ALOX5: variants seen among roughly 807,000 people sequenced by gnomAD.
The protein encoded by ALOX5 is polyunsaturated fatty acid 5-lipoxygenase.
In ALOX5, 64 loss-of-function variants were observed where a neutral mutation model predicts 87.9. That is an observed-to-expected ratio of 0.73 (90% confidence interval 0.60 to 0.90). The LOEUF is 0.90. Among genes scored for constraint, ALOX5 ranks in the 40% least tolerant of loss-of-function variants. The pLI is 0.00. For missense variants in ALOX5, 822 were observed against 907.5 expected (o/e 0.91, Z 1.21); for synonymous variants, 388 against 355.1 (o/e 1.09, Z -1.04).
chr10:45,437,122 G>A (rs1842084547), intron 7 of ALOX5, among the ~76,000 whole-genome samples: 1 of 152,216 alleles, frequency 6.6e-6, no homozygotes, highest in Admixed American at 6.5e-5. Context: ...GGAGGCCGAG[G>A]TGGGCAGATC....
intron 1 of ALOX5, among the ~76,000 whole-genome samples, chr10:45,378,673 G>C (rs186653688): frequency 6.6e-6 from 1 of 152,154 alleles, no homozygotes; most frequent in African/African-American, 2.4e-5. Flanking sequence ...CTGGAAGGAG[G>C]CCTTTATCTG....
chr10:45,439,204 A>T (rs989990051), intron 7 of ALOX5, among the ~76,000 whole-genome samples: 1 of 152,214 alleles, frequency 6.6e-6, no homozygotes, highest in Non-Finnish European at 1.5e-5. Flanking sequence ...CTTCCTGAAT[A>T]TATACAATTC....
At chr10:45,392,679 G>T (rs553446955) in intron 2 of ALOX5, among the ~76,000 whole-genome samples, 3 of 150,522 alleles carry the variant, frequency 2.0e-5, no homozygotes, top group Admixed American at 6.6e-5. Context: ...ATCCCCCTCT[G>T]CGAGAAACAC....
chr10:45,413,040 C>T (rs945029344), intron 4 of ALOX5, among the ~76,000 whole-genome samples: 26 of 152,052 alleles, frequency 1.7e-4, no homozygotes, highest in African/African-American at 4.8e-4. Flanking sequence ...GTCAGTTTGG[C>T]GAAACTATTC....
chr10:45,391,058 C>T (rs1444225630), intron 2 of ALOX5, among the ~76,000 whole-genome samples: 22 of 104,168 alleles, frequency 2.1e-4, no homozygotes, highest in Non-Finnish European at 4.0e-4. Flanking sequence ...TCTCCCCTCT[C>T]CCTCTCCCTC....
At chr10:45,402,086 CAAAA>C (rs10649706) in intron 3 of ALOX5, among the ~76,000 whole-genome samples, 1 of 101,130 alleles carries the variant, frequency 9.9e-6, no homozygotes, top group African/African-American at 3.8e-5. Flanking sequence ...GACTCCGTCT[CAAAA>C]AAAAAAAAAA....
chr10:45,405,146 A>G (rs1325483895), intron 3 of ALOX5, among the ~76,000 whole-genome samples: 1 of 152,258 alleles, frequency 6.6e-6, no homozygotes, highest in East Asian at 1.9e-4. Context: ...AACCTTGTAC[A>G]AACATCTTGA....
chr10:45,378,278 TTCCGG>T (rs1839701409), intron 1 of ALOX5, among the ~76,000 whole-genome samples: 1 of 152,210 alleles, frequency 6.6e-6, no homozygotes, highest in South Asian at 2.1e-4. Context: ...GCCTTCTAGC[TTCCGG>T]TTCAGGGCTT....
Position 45,405,846 on chromosome 10 carries a change from T to C in ALOX5, c.432-6345T>C, listed in dbSNP as rs1216238944. On this transcript the variant is annotated intron_variant, in intron 3 of 13. Transcript: ENST00000374391. ...CAAACTAACCCAGGCTCAATCCATC[T>C]TCCCACGTCAGCCTCCCAAGTAGCT... Among the ~76,000 whole-genome samples, 4 of 151,978 alleles carry C rather than the reference T, an allele frequency of 2.6e-5. No homozygotes were observed. In the South Asian group the frequency reaches 6.2e-4, roughly 24 times the overall value.
chr10:45,400,428 C>G, intron 3 of ALOX5, among the ~76,000 whole-genome samples: 2 of 152,006 alleles, frequency 1.3e-5, no homozygotes, highest in Non-Finnish European at 2.9e-5. Context: ...GGTGAAACCC[C>G]ATGTCTACAA....
intron 1 of ALOX5, among the ~76,000 whole-genome samples, chr10:45,378,536 C>G (rs187426603): frequency 6.6e-6 from 1 of 152,302 alleles, no homozygotes; most frequent in Admixed American, 6.5e-5. Flanking sequence ...TGTGTCACAG[C>G]AAATAGACAA....
chr10:45,394,294 G>A (rs1372540407), intron 2 of ALOX5, among the ~76,000 whole-genome samples: 9 of 151,924 alleles, frequency 5.9e-5, no homozygotes, highest in African/African-American at 1.7e-4. Flanking sequence ...CCTCAGAAAT[G>A]ACACCACACA....
At chr10:45,427,148 A>G (rs1322123862) in intron 6 of ALOX5, among the ~76,000 whole-genome samples, 1 of 152,202 alleles carries the variant, frequency 6.6e-6, no homozygotes, top group Non-Finnish European at 1.5e-5. Context: ...TAACAGAGAA[A>G]TGCTGCAGGC....
At chr10:45,423,909 C>T in intron 4 of ALOX5, 132 bp from the exon 5 acceptor site, 1 of 708,690 alleles carries the variant, frequency 1.4e-6, no homozygotes, top group East Asian at 2.5e-5. Flanking sequence ...TCTGAAAAGC[C>T]AGTCACCTAC....
At position 45,445,660 on chromosome 10, in the gene ALOX5, C is replaced by A; in HGVS notation, c.1998C>A (p.Asp666Glu). 1.2e-6 allele frequency: 2 copies of A among 1,613,970 alleles called. No homozygotes were observed. The highest frequency in any genetic ancestry group is 2.2e-5 in the East Asian group (1 of 44,868). Reference sequence around the variant, plus strand: ...TGCCATATTACTACTTGTCCCCAGACCGGATTCCGAACAGTGTGGCCATCT... The same window carrying A: ...TGCCATATTACTACTTGTCCCCAGAACGGATTCCGAACAGTGTGGCCATCT... ...KQLPYYYLSP[D>E]RIPNSVAI Residue 666 changes from aspartate (D) to glutamate (E), a missense_variant, in exon 14 of 14, where the codon GAC (aspartate) becomes GAA (glutamate). By Grantham distance (45) the Asp-to-Glu change is conservative. Transcript: ENST00000374391.
chr10:45,435,893 C>T (rs955260148), intron 7 of ALOX5, among the ~76,000 whole-genome samples: 1 of 152,230 alleles, frequency 6.6e-6, no homozygotes. Context: ...TTTACACTGC[C>T]ACCAACAGTG....
chr10:45,374,259 G>C lies in ALOX5; in HGVS notation c.-21G>C. 1 of 1,456,808 alleles carries C rather than the reference G, an allele frequency of 6.9e-7. No individual in the cohort carries two copies. The highest frequency in any genetic ancestry group is 3.0e-5 in the East Asian group (1 of 33,040). The allele number at this position is 1,456,808 out of a possible 1,614,324, so 90.2% of individuals were successfully genotyped here. A position where few individuals can be genotyped will look rare whatever the true frequency, so the allele number is the denominator to read the frequency against. On this transcript the variant is annotated 5_prime_UTR_variant, in exon 1 of 14. Transcript: ENST00000374391. ...CGCCGCGCCGAGGCTCCCGGCGCTCGCTGCTCCCGCGGCCCGCGCCATGCC... is the reference window on the plus strand; with the variant it reads ...CGCCGCGCCGAGGCTCCCGGCGCTCCCTGCTCCCGCGGCCCGCGCCATGCC...
intron 6 of ALOX5, among the ~76,000 whole-genome samples, chr10:45,426,162 T>G (rs1186790686): frequency 1.3e-5 from 2 of 152,254 alleles, no homozygotes; most frequent in Non-Finnish European, 2.9e-5. Flanking sequence ...AACATTGATT[T>G]GGTGGCTATA....
intron 7 of ALOX5, among the ~76,000 whole-genome samples, chr10:45,438,472 G>A (rs532982393): frequency 2.0e-5 from 3 of 152,148 alleles, no homozygotes; most frequent in African/African-American, 4.8e-5. Flanking sequence ...GGGGCTCCTC[G>A]GCCCCAGAGG....
Sources: allele counts gnomAD v4.1 joint callset (sites outside exome capture counted in the v4.1 genomes callset), GRCh38; gene constraint gnomAD v4.1.1; transcripts MANE v1.5; gene names NCBI Gene and HGNC (gene_info 2026-07-23, HGNC 2026-07-21).